The following COP1 variants were observed in gnomAD, a reference collection of about 807,000 sequenced individuals.
The protein encoded by COP1 is COP1 E3 ubiquitin ligase, also known as E3 ubiquitin-protein ligase COP1.
A neutral mutation model predicts 101.3 loss-of-function variants in COP1; 24 were observed. The ratio of observed to expected loss-of-function variants is 0.24; its 90% CI spans 0.17 to 0.33. COP1 has a LOEUF of 0.33. Among genes scored for constraint, COP1 ranks in the 10% least tolerant of loss-of-function variants. COP1 has a pLI of 1.00. For missense variants in COP1, 663 were observed against 906.2 expected (o/e 0.73, Z 3.45); for synonymous variants, 347 against 341.9 (o/e 1.01, Z -0.17).
At chr1:175,995,060 G>A (rs186568009) in intron 15 of COP1, among the ~76,000 whole-genome samples, 17 of 152,208 alleles carry the variant, frequency 1.1e-4, no homozygotes, top group Admixed American at 5.2e-4. Context: ...AGACCACAGC[G>A]CAATCAAACT....
chr1:176,109,004 C>T (rs886881915), intron 9 of COP1, among the ~76,000 whole-genome samples: 2 of 151,928 alleles, frequency 1.3e-5, no homozygotes, highest in African/African-American at 2.4e-5. Context: ...CTCAGCTACT[C>T]GGGAGGCTGA....
intron 8 of COP1, among the ~76,000 whole-genome samples, chr1:176,131,086 A>T (rs1688809346): frequency 6.6e-6 from 1 of 151,826 alleles, no homozygotes; most frequent in African/African-American, 2.4e-5. Context: ...AGATACCCTA[A>T]CATTCTGCTT....
chr1:175,992,193 C>T (rs897241597), intron 15 of COP1, among the ~76,000 whole-genome samples: 1 of 152,206 alleles, frequency 6.6e-6, no homozygotes, highest in Non-Finnish European at 1.5e-5. Flanking sequence ...GCACCTACCT[C>T]AAGCATTTAT....
At chr1:176,041,499 C>T (rs1571868222) in intron 14 of COP1, among the ~76,000 whole-genome samples, 1 of 152,120 alleles carries the variant, frequency 6.6e-6, no homozygotes, top group African/African-American at 2.4e-5. Context: ...CAGGCCTGCA[C>T]CACCACACCT....
At chr1:176,089,624 G>A (rs903951684) in intron 9 of COP1, among the ~76,000 whole-genome samples, 2 of 152,150 alleles carry the variant, frequency 1.3e-5, no homozygotes, top group Non-Finnish European at 2.9e-5. Flanking sequence ...AACTAGATGG[G>A]AGGAGGTAAG....
chr1:176,001,514 T>C (rs981901459), intron 15 of COP1, among the ~76,000 whole-genome samples: 1 of 152,074 alleles, frequency 6.6e-6, no homozygotes, highest in Non-Finnish European at 1.5e-5. Flanking sequence ...GTAAAAATAA[T>C]AATAAAAGCG....
rs12121303 is a variant in COP1 at position 176,001,039 on chromosome 1, T to C, written c.1730-11560A>G. Among the ~76,000 whole-genome samples, 889 of 152,228 alleles carry C rather than the reference T, an allele frequency of 5.8e-3. 3 individuals are homozygous for C. The highest frequency in any genetic ancestry group is 1.0e-2 in the Non-Finnish European group (678 of 67,974). ...TATGTTACATGTTCATCAACAATTT[T>C]AGAATTACTATTTTAGTCAATTGTC... On this transcript the variant is annotated intron_variant, in intron 15 of 19. Transcript: ENST00000367669.
At chr1:175,986,660 T>C (rs1370386893) in intron 18 of COP1, among the ~76,000 whole-genome samples, 1 of 152,148 alleles carries the variant, frequency 6.6e-6, no homozygotes, top group Non-Finnish European at 1.5e-5. Context: ...GAATTTCCAG[T>C]CTTATAGAAG....
chr1:176,088,144 A>T (rs950533676), intron 9 of COP1, among the ~76,000 whole-genome samples: 1 of 152,036 alleles, frequency 6.6e-6, no homozygotes, highest in African/African-American at 2.4e-5. Context: ...TAGGAGAAAC[A>T]CCTAATGTAA....
At chr1:176,031,625 A>C (rs1301759033) in intron 14 of COP1, among the ~76,000 whole-genome samples, 1 of 152,190 alleles carries the variant, frequency 6.6e-6, no homozygotes, top group Non-Finnish European at 1.5e-5. Flanking sequence ...CTCTCAGTAA[A>C]TAATCAAAAG....
intron 1 of COP1, among the ~76,000 whole-genome samples, chr1:176,196,826 G>C (rs1699745539): frequency 6.6e-6 from 1 of 151,004 alleles, no homozygotes; most frequent in South Asian, 2.1e-4. Context: ...AAGATCACTT[G>C]AGCCCAGGAG....
At chr1:176,151,397 GAAA>G in intron 5 of COP1, among the ~76,000 whole-genome samples, 1 of 144,552 alleles carries the variant, frequency 6.9e-6, no homozygotes, top group Non-Finnish European at 1.6e-5. Context: ...AAGAAAGAAA[GAAA>G]GAAAGAAAGA....
rs3833529 is a variant in COP1 at position 176,207,270 on chromosome 1, TGC to T, written c.-294_-293del. 3.5e-4 allele frequency: 132 copies of T among 382,122 alleles called. No individual in the cohort carries two copies. Among genetic ancestry groups the T allele is most frequent in the Middle Eastern group, 6.6e-4 (1 of 1,516 alleles). 23.7% of individuals were successfully genotyped at this position (382,122 alleles called of 1,614,324 possible). The stretch of plus-strand genomic sequence containing the variant: ...AACCCCGGCGCGCCGTGGCCGGCCG[TGC>T]GCGCGCGCGCGAGCGGCGGAAGAGG... On this transcript the variant is annotated 5_prime_UTR_variant, in exon 1 of 20. Coordinates refer to ENST00000367669, the MANE Select transcript of COP1 (RefSeq NM_022457.7).
chr1:176,178,975 T>TC (rs1210489202), intron 2 of COP1, among the ~76,000 whole-genome samples: 2 of 151,920 alleles, frequency 1.3e-5, no homozygotes, highest in African/African-American at 4.8e-5. Context: ...AGGAGAATTT[T>TC]TTTTTTTTAG....
At chr1:175,981,290 T>C (rs971153950) in intron 18 of COP1, among the ~76,000 whole-genome samples, 9 of 152,156 alleles carry the variant, frequency 5.9e-5, no homozygotes, top group Non-Finnish European at 1.0e-4. Context: ...CACTATCTGG[T>C]TTCACTGTCT....
At chr1:176,158,731 C>T (rs1169440501) in intron 5 of COP1, among the ~76,000 whole-genome samples, 3 of 146,372 alleles carry the variant, frequency 2.0e-5, no homozygotes, top group Admixed American at 7.1e-5. Context: ...CCTCTGCCTC[C>T]TGGGTTCAGG....
At chr1:176,160,053 G>A (rs1316986187) in intron 5 of COP1, among the ~76,000 whole-genome samples, 1 of 152,046 alleles carries the variant, frequency 6.6e-6, no homozygotes, top group Non-Finnish European at 1.5e-5. Flanking sequence ...ATCTATGACA[G>A]GAACTTTGCT....
At chr1:176,005,629 C>T (rs1208631740) in intron 15 of COP1, among the ~76,000 whole-genome samples, 2 of 152,174 alleles carry the variant, frequency 1.3e-5, no homozygotes, top group Non-Finnish European at 2.9e-5. Flanking sequence ...CATTCAGGAG[C>T]AGGTTGTTCA....
intron 15 of COP1, among the ~76,000 whole-genome samples, chr1:176,005,623 C>T (rs55710022): frequency 0.042 from 6,331 of 152,252 alleles, 155 homozygotes; most frequent in Non-Finnish European, 0.047. Flanking sequence ...AGTAGTCATT[C>T]AGGAGCAGGT....
Sources: allele counts gnomAD v4.1 joint callset (sites outside exome capture counted in the v4.1 genomes callset), GRCh38; gene constraint gnomAD v4.1.1; transcripts MANE v1.5; gene names NCBI Gene and HGNC (gene_info 2026-07-23, HGNC 2026-07-21).